SCP2: variants seen among roughly 807,000 people sequenced by gnomAD.
SCP2 encodes sterol carrier protein 2.
A neutral mutation model predicts 71.4 loss-of-function variants in SCP2; 48 were observed. The observed-to-expected ratio is 0.67, with a 90% CI of 0.53 to 0.86. The LOEUF is 0.86. Among genes scored for constraint, SCP2 ranks in the 40% least tolerant of loss-of-function variants. The pLI is 0.00. For synonymous variants in SCP2, 220 were observed against 218.1 expected (o/e 1.01, Z -0.08); for missense variants, 560 against 655.6 (o/e 0.85, Z 1.59).
At chr1:52,997,292 CTGAG>C (rs920631902) in intron 11 of SCP2, among the ~76,000 whole-genome samples, 10 of 152,106 alleles carry the variant, frequency 6.6e-5, no homozygotes, top group Non-Finnish European at 2.9e-5. Flanking sequence ...CCTCAGCCTC[CTGAG>C]TATGTGGGAT....
At position 53,039,064 on chromosome 1, in the gene SCP2, T is replaced by A. The variant is rs1663229519; in HGVS notation, c.1468+18T>A. The A allele has an allele frequency of 1.2e-6, 2 of 1,613,914 alleles. No homozygotes were observed. Among genetic ancestry groups the A allele is most frequent in the Non-Finnish European group, 1.7e-6 (2 of 1,179,942 alleles). ...TAACTCAGGTTAGTTTGGGAATGAC[T>A]TCATTCTAGGAGCACTGACGAGTTT... On this transcript the variant is annotated intron_variant, in intron 14 of 15. Transcript: ENST00000371514.
chr1:53,005,810 C>T (rs10888760), intron 11 of SCP2, among the ~76,000 whole-genome samples: 103,928 of 152,062 alleles, frequency 0.68, 36,923 homozygotes, highest in East Asian at 0.98. Flanking sequence ...TTCAGATGAT[C>T]GGTAATAACA....
At chr1:52,928,905 G>A (rs370360741) in intron 1 of SCP2, 22 of 154,528 alleles carry the variant, frequency 1.4e-4, no homozygotes, top group African/African-American at 5.0e-4. Context: ...TCGAAGTAAG[G>A]TATTAATGCA....
chr1:52,934,430 A>G (rs900134961), intron 1 of SCP2, among the ~76,000 whole-genome samples: 1 of 151,962 alleles, frequency 6.6e-6, no homozygotes, highest in South Asian at 2.1e-4. Context: ...TATTTTTCCA[A>G]AAAAACCAAT....
Position 52,927,368 on chromosome 1 carries a change from G to A in SCP2, c.-29G>A, listed in dbSNP as rs1488291963. The A allele has an allele frequency of 6.4e-7, 1 of 1,555,876 alleles. No homozygotes were observed. Among genetic ancestry groups the A allele is most frequent in the Non-Finnish European group, 8.7e-7 (1 of 1,148,228 alleles). On this transcript the variant is annotated 5_prime_UTR_variant, in exon 1 of 16. Coordinates refer to ENST00000371514, the MANE Select transcript of SCP2 (RefSeq NM_002979.5). ...GTCAGTGCCGGCAGTCGTCCGCGGC[G>A]CCCGCCCCGGTCCCGCACTGGTGCA...
intron 11 of SCP2, among the ~76,000 whole-genome samples, chr1:53,000,793 C>T (rs906700778): frequency 2.0e-5 from 3 of 152,032 alleles, no homozygotes; most frequent in African/African-American, 7.2e-5. Context: ...CCTGTCTCTA[C>T]AAAATGCAAA....
rs577956382 is a variant in SCP2 at position 52,961,424 on chromosome 1, A to G, written c.397-79A>G. On this transcript the variant is annotated intron_variant, in intron 5 of 15. Transcript: ENST00000371514. ...TACTATGTGCTTAGAATAAATAAAT[A>G]TCTTAATAGCACTGTAGTAGTTTTG... The G allele has an allele frequency of 5.7e-5, 82 of 1,429,592 alleles. No homozygotes were observed. In the African/African-American group the frequency reaches 9.5e-4, roughly 17 times the overall value. The allele number at this position is 1,429,592 out of a possible 1,614,324, so 88.6% of individuals were successfully genotyped here.
chr1:53,029,333 G>A (rs1018798991), intron 13 of SCP2, among the ~76,000 whole-genome samples: 6 of 148,232 alleles, frequency 4.0e-5, no homozygotes, highest in African/African-American at 7.5e-5. Context: ...GCATGATCAC[G>A]GCTCACTGCA....
chr1:53,020,061 A>G (rs781086013), intron 12 of SCP2, among the ~76,000 whole-genome samples: 7 of 151,908 alleles, frequency 4.6e-5, no homozygotes, highest in Non-Finnish European at 8.8e-5. Flanking sequence ...TAATTTTTGT[A>G]TTTTTAGTAG....
At chr1:52,947,241 T>TAAAAAAA (rs34249724) in intron 2 of SCP2, among the ~76,000 whole-genome samples, 1 of 54,422 alleles carries the variant, frequency 1.8e-5, no homozygotes, top group Non-Finnish European at 3.3e-5. Context: ...ATGTTGTCCT[T>TAAAAAAA]AAAAAAAAAA....
chr1:52,980,491 C>A lies in SCP2; in HGVS notation c.921C>A (p.Cys307Ter), dbSNP rs776484889. 1 of 1,614,006 alleles carries A rather than the reference C, an allele frequency of 6.2e-7. No individual in the cohort carries two copies. Among genetic ancestry groups the A allele is most frequent in the African/African-American group, 1.3e-5 (1 of 75,042 alleles). Residue 307 changes from cysteine (C) to a stop codon, truncating the protein, a stop_gained, in exon 10 of 16, where the codon TGC becomes TGA. Transcript: ENST00000371514. LOFTEE classifies it high-confidence loss of function. ...TTGACGTAATAGAACTTCACGATTG[C>A]TTTTCTACCAACGAACTCCTTACTT... ...NDIDVIELHD[C>*]FSTNELLTYE...
At chr1:52,934,186 G>T (rs1330129334) in intron 1 of SCP2, among the ~76,000 whole-genome samples, 1 of 152,110 alleles carries the variant, frequency 6.6e-6, no homozygotes, top group South Asian at 2.1e-4. Context: ...TCTCAAAAAC[G>T]AATGAAGTCA....
In SCP2 at chr1:52,993,791, A is replaced by G. The variant is rs1336400401; in HGVS notation, c.1081+5655A>G. On this transcript the variant is annotated intron_variant, in intron 11 of 15. Transcript: ENST00000371514. ...ATATTCCCCTCTCTCCTCCCCCAGC[A>G]CCAAGAGGTAATCAATATCCTGAAT... 3 of 1,550,874 alleles carry G rather than the reference A, an allele frequency of 1.9e-6. No homozygotes were observed. In the East Asian group the frequency reaches 6.9e-5, roughly 35 times the overall value.
rs1455391449 is a variant in SCP2, at chr1:53,039,096, G to A, written c.1468+50G>A. 3.7e-6 allele frequency: 6 copies of A among 1,610,196 alleles called. No homozygotes were observed. The African/African-American group carries it at 6.7e-5, about 18-fold the overall frequency. On this transcript the variant is annotated intron_variant, in intron 14 of 15. Coordinates refer to ENST00000371514, the MANE Select transcript of SCP2 (RefSeq NM_002979.5). ...TAGGAGCACTGACGAGTTTACGAAGGCTGTCAGCTGGGAAAATGGGGGTCT... is the reference window on the plus strand; with the variant it reads ...TAGGAGCACTGACGAGTTTACGAAGACTGTCAGCTGGGAAAATGGGGGTCT...
chr1:52,934,431 A>C (rs1653473471), intron 1 of SCP2, among the ~76,000 whole-genome samples: 1 of 151,926 alleles, frequency 6.6e-6, no homozygotes, highest in Admixed American at 6.6e-5. Flanking sequence ...ATTTTTCCAA[A>C]AAAACCAATG....
chr1:53,019,253 A>G (rs1661552126), intron 12 of SCP2, among the ~76,000 whole-genome samples: 1 of 152,190 alleles, frequency 6.6e-6, no homozygotes, highest in Non-Finnish European at 1.5e-5. Context: ...AGATGCTTTG[A>G]GATGATACCA....
At chr1:52,960,647 T>C (rs528727715) in intron 5 of SCP2, among the ~76,000 whole-genome samples, 1 of 147,754 alleles carries the variant, frequency 6.8e-6, no homozygotes, top group Admixed American at 6.8e-5. Flanking sequence ...TATATATGTA[T>C]GTATATATGT....
At chr1:52,939,378 C>T (rs921988470) in intron 1 of SCP2, among the ~76,000 whole-genome samples, 9 of 151,910 alleles carry the variant, frequency 5.9e-5, no homozygotes, top group African/African-American at 2.2e-4. Flanking sequence ...AGATCCATCT[C>T]TACAAAAAAA....
At chr1:52,970,526 C>G (rs1415786688) in intron 6 of SCP2, among the ~76,000 whole-genome samples, 1 of 152,044 alleles carries the variant, frequency 6.6e-6, no homozygotes, top group Non-Finnish European at 1.5e-5. Flanking sequence ...GGGACCTTGC[C>G]CTTTCATTTT....
Sources: gnomAD v4.1 joint callset for allele counts (sites outside exome capture counted in the v4.1 genomes callset) on GRCh38, gnomAD v4.1.1 for gene constraint, MANE v1.5 for transcripts, NCBI Gene and HGNC (gene_info 2026-07-23, HGNC 2026-07-21) for gene names.